Variants in RAB3C observed in about 807,000 individuals in gnomAD.
RAB3C encodes the protein RAB3C, member RAS oncogene family, also known as ras-related protein Rab-3C.
In RAB3C, 17 loss-of-function variants were observed where a neutral mutation model predicts 26.4. That is an observed-to-expected ratio of 0.64 (90% CI 0.44 to 0.97). The LOEUF is 0.97. Ranked by LOEUF, RAB3C falls within the 50% of genes least tolerant of loss-of-function variation. The probability of loss-of-function intolerance (pLI) is 0.00; values close to 1 mark genes in which losing one functional copy is unlikely to be tolerated. For synonymous variants in RAB3C, 91 were observed against 95.9 expected (o/e 0.95, Z 0.30); for missense variants, 242 against 281.9 (o/e 0.86, Z 1.01).
chr5:58,583,674 G>T (rs753898538), intron 1 of RAB3C, among the ~76,000 whole-genome samples: 1 of 152,102 alleles, frequency 6.6e-6, no homozygotes, highest in Non-Finnish European at 1.5e-5. Flanking sequence ...GGTTAAAGGC[G>T]CATTAAATAA....
intron 2 of RAB3C, among the ~76,000 whole-genome samples, chr5:58,682,087 A>G (rs1157603778): frequency 6.6e-6 from 1 of 152,162 alleles, no homozygotes; most frequent in Non-Finnish European, 1.5e-5. Context: ...AAACATTTGT[A>G]TGGTTGAGGT....
At chr5:58,606,157 T>C (rs962999993) in intron 1 of RAB3C, among the ~76,000 whole-genome samples, 2 of 152,132 alleles carry the variant, frequency 1.3e-5, no homozygotes, top group African/African-American at 4.8e-5. Context: ...AGGGAAGCCA[T>C]GACAGACTGT....
chr5:58,741,580 AT>A (rs1741275157), intron 3 of RAB3C: 1 of 152,214 alleles, frequency 6.6e-6, no homozygotes, highest in Non-Finnish European at 1.5e-5. Flanking sequence ...GGTCAGCCAA[AT>A]TCTTTATCAC....
intron 2 of RAB3C, among the ~76,000 whole-genome samples, chr5:58,708,975 A>G (rs762022894): frequency 6.6e-6 from 1 of 152,216 alleles, no homozygotes; most frequent in Non-Finnish European, 1.5e-5. Context: ...GATGTATGCT[A>G]TATAGCATAT....
intron 2 of RAB3C, among the ~76,000 whole-genome samples, chr5:58,708,324 T>C (rs891898885): frequency 1.6e-4 from 24 of 152,328 alleles, no homozygotes; most frequent in African/African-American, 5.8e-4. Flanking sequence ...ATGATGGATC[T>C]GGGCAAATCT....
At chr5:58,638,535 A>G (rs142558210) in intron 2 of RAB3C, among the ~76,000 whole-genome samples, 98 of 152,270 alleles carry the variant, frequency 6.4e-4, no homozygotes, top group African/African-American at 2.2e-3. Flanking sequence ...CCATTATAAC[A>G]TTTTCTAAAG....
rs556236579 is a variant in RAB3C, at chr5:58,850,564, C to T, written c.497-600C>T. Among the ~76,000 whole-genome samples the T allele has an allele frequency of 3.3e-5, 5 of 152,296 alleles. No individual in the cohort carries two copies. In the East Asian group the frequency reaches 9.6e-4, roughly 29 times the overall value. Reference sequence around the variant, plus strand: ...GACCGATCATTAGGCAGCAGCAGGGCAGACATGGAAAAGTTAGAGCTGGAT... The same window carrying T: ...GACCGATCATTAGGCAGCAGCAGGGTAGACATGGAAAAGTTAGAGCTGGAT... On this transcript the variant is annotated intron_variant, in intron 4 of 4. Transcript: ENST00000282878.
At chr5:58,637,658 T>C (rs1034919911) in intron 2 of RAB3C, among the ~76,000 whole-genome samples, 1 of 152,164 alleles carries the variant, frequency 6.6e-6, no homozygotes, top group Non-Finnish European at 1.5e-5. Flanking sequence ...ATAATTAACT[T>C]TAATACTGAA....
At chr5:58,590,359 AG>A (rs1336666116) in intron 1 of RAB3C, among the ~76,000 whole-genome samples, 2 of 152,054 alleles carry the variant, frequency 1.3e-5, no homozygotes, top group African/African-American at 4.8e-5. Context: ...CTCTCATGCC[AG>A]TCTTACTAAA....
intron 1 of RAB3C, among the ~76,000 whole-genome samples, chr5:58,583,511 G>A (rs879090320): frequency 2.6e-5 from 4 of 152,136 alleles, no homozygotes; most frequent in Admixed American, 2.6e-4. Context: ...GCAAACAAAA[G>A]TCAGAGGAGC....
intron 1 of RAB3C, among the ~76,000 whole-genome samples, chr5:58,609,443 G>A (rs1281483322): frequency 2.6e-5 from 4 of 152,142 alleles, no homozygotes; most frequent in African/African-American, 4.8e-5. Flanking sequence ...GCTAATGGTT[G>A]AACTAGTTAC....
intron 2 of RAB3C, among the ~76,000 whole-genome samples, chr5:58,689,524 A>G (rs1021594607): frequency 5.3e-5 from 8 of 152,056 alleles, no homozygotes; most frequent in African/African-American, 1.9e-4. Context: ...TTGAAGAAAA[A>G]AAAGTGTATG....
chr5:58,589,903 T>G (rs971347420), intron 1 of RAB3C, among the ~76,000 whole-genome samples: 3 of 152,184 alleles, frequency 2.0e-5, no homozygotes, highest in Non-Finnish European at 4.4e-5. Context: ...GGGGTGAAGA[T>G]GAAGAAGGCT....
chr5:58,695,319 A>T (rs1170117427), intron 2 of RAB3C, among the ~76,000 whole-genome samples: 1 of 152,156 alleles, frequency 6.6e-6, no homozygotes, highest in East Asian at 1.9e-4. Context: ...TGTTTTGGTC[A>T]CTGTAGCTTT....
intron 2 of RAB3C, among the ~76,000 whole-genome samples, chr5:58,618,094 A>G (rs1393433363): frequency 6.8e-6 from 1 of 147,382 alleles, no homozygotes; most frequent in Non-Finnish European, 1.5e-5. Context: ...GGTGCTCCTT[A>G]AGAGTCTTCA....
chr5:58,719,157 C>A (rs748036769), intron 2 of RAB3C, among the ~76,000 whole-genome samples: 1 of 151,974 alleles, frequency 6.6e-6, no homozygotes, highest in Non-Finnish European at 1.5e-5. Context: ...GAAATTCCAA[C>A]AGAAACTAAT....
At chr5:58,841,870 C>T (rs1451881414) in intron 4 of RAB3C, among the ~76,000 whole-genome samples, 1 of 152,148 alleles carries the variant, frequency 6.6e-6, no homozygotes, top group Admixed American at 6.5e-5. Flanking sequence ...ACTTAGCATT[C>T]TCCCTTTGAC....
At chr5:58,619,463 G>T (rs1254172525) in intron 2 of RAB3C, among the ~76,000 whole-genome samples, 3 of 152,114 alleles carry the variant, frequency 2.0e-5, no homozygotes, top group Non-Finnish European at 4.4e-5. Context: ...TTTAAGGAAG[G>T]TTCCTTAATT....
chr5:58,768,853 G>A (rs891047368), intron 3 of RAB3C, among the ~76,000 whole-genome samples: 1 of 152,116 alleles, frequency 6.6e-6, no homozygotes, highest in Admixed American at 6.6e-5. Context: ...AGCTCAAGGA[G>A]TGTCATATTT....
Sources: gnomAD v4.1 joint callset for allele counts (sites outside exome capture counted in the v4.1 genomes callset) on GRCh38, gnomAD v4.1.1 for gene constraint, MANE v1.5 for transcripts, NCBI Gene and HGNC (gene_info 2026-07-23, HGNC 2026-07-21) for gene names.